The following HELZ variants were observed in gnomAD, a reference collection of about 807,000 sequenced individuals.
HELZ encodes the protein ATP-dependent RNA helicase with zinc finger domain.
In HELZ, 23 loss-of-function variants were observed where a neutral mutation model predicts 218.2. The ratio of observed to expected loss-of-function variants is 0.11; its 90% CI spans 0.08 to 0.15. The LOEUF is 0.15. Among genes scored for constraint, HELZ ranks in the 10% least tolerant of loss-of-function variants. The pLI is 1.00. For missense variants in HELZ, 1,813 were observed against 2,353.7 expected (o/e 0.77, Z 4.75); for synonymous variants, 814 against 829.4 (o/e 0.98, Z 0.32).
At chr17:67,189,792 G>A in intron 10 of HELZ, 96 bp from the exon 11 acceptor site, 1 of 809,052 alleles carries the variant, frequency 1.2e-6, no homozygotes, top group Non-Finnish European at 2.1e-6. Context: ...TTAAGATGAT[G>A]ATGGAACTGT....
At chr17:67,139,146 T>C (rs2038242626) in intron 21 of HELZ, among the ~76,000 whole-genome samples, 1 of 152,114 alleles carries the variant, frequency 6.6e-6, no homozygotes, top group South Asian at 2.1e-4. Context: ...TTTCATCCTT[T>C]GAAAAACTTG....
chr17:67,103,988 T>A (rs935015824), intron 31 of HELZ, among the ~76,000 whole-genome samples: 2 of 152,106 alleles, frequency 1.3e-5, no homozygotes, highest in South Asian at 4.1e-4. Context: ...GACTATTCAA[T>A]GGGGGAAAGG....
chr17:67,224,605 A>G, intron 3 of HELZ: 1 of 493,598 alleles, frequency 2.0e-6, no homozygotes, highest in Non-Finnish European at 3.7e-6. Flanking sequence ...ATTACTAATA[A>G]CAGTAAGTGT....
intron 5 of HELZ, 27 bp downstream of exon 5, chr17:67,215,869 CAAT>C (rs1182789831): frequency 7.0e-7 from 1 of 1,429,184 alleles, no homozygotes; most frequent in East Asian, 2.3e-5. Flanking sequence ...TTGTTCAATT[CAAT>C]AATTCGAGTC....
At chr17:67,124,638 A>ACTTCCAGAAATTACAAATTACAAAAATGT (rs2037725171) in intron 24 of HELZ, among the ~76,000 whole-genome samples, 5 of 152,204 alleles carry the variant, frequency 3.3e-5, no homozygotes, top group Non-Finnish European at 7.4e-5. Flanking sequence ...TACATACGTT[A>ACTTCCAGAAATTACAAATTACAAAAATGT]ACCCAGTAAG....
intron 27 of HELZ, among the ~76,000 whole-genome samples, chr17:67,118,642 G>T (rs771569553): frequency 7.4e-6 from 1 of 135,860 alleles, no homozygotes; most frequent in Non-Finnish European, 1.5e-5. Context: ...CTTGAGCCCA[G>T]GAGTTCAAGG....
chr17:67,087,155 C>A, intron 31 of HELZ, 74 bp from the exon 32 acceptor site: 1 of 1,335,074 alleles, frequency 7.5e-7, no homozygotes, highest in Non-Finnish European at 1.1e-6. Context: ...CACTCCATAG[C>A]AATATCTCAC....
At chr17:67,185,543 T>C (rs1297583974) in intron 12 of HELZ, among the ~76,000 whole-genome samples, 6 of 152,202 alleles carry the variant, frequency 3.9e-5, no homozygotes, top group South Asian at 2.1e-4. Context: ...TAAGTCATTA[T>C]GCTGATGACC....
chr17:67,153,432 A>G (rs1002847871), intron 17 of HELZ, among the ~76,000 whole-genome samples: 18 of 152,210 alleles, frequency 1.2e-4, no homozygotes, highest in African/African-American at 4.1e-4. Context: ...CGTCAGTAAA[A>G]TTACAAAGAT....
At chr17:67,141,522 CTTT>C (rs2038324638) in intron 21 of HELZ, among the ~76,000 whole-genome samples, 1 of 151,774 alleles carries the variant, frequency 6.6e-6, no homozygotes, top group African/African-American at 2.4e-5. Flanking sequence ...CCTGTGTCTT[CTTT>C]ATTGCCTTCT....
chr17:67,202,208 T>C (rs2040186084), intron 6 of HELZ, among the ~76,000 whole-genome samples: 1 of 152,058 alleles, frequency 6.6e-6, no homozygotes, highest in Admixed American at 6.6e-5. Context: ...TATCAACAAA[T>C]TTCTTAAGTT....
intron 13 of HELZ, among the ~76,000 whole-genome samples, chr17:67,173,759 C>T (rs1022314645): frequency 5.3e-5 from 8 of 151,978 alleles, no homozygotes; most frequent in African/African-American, 1.7e-4. Flanking sequence ...ACCCATCTAA[C>T]GATGAAATGT....
intron 31 of HELZ, among the ~76,000 whole-genome samples, chr17:67,102,695 T>C (rs1157430023): frequency 6.6e-6 from 1 of 152,242 alleles, no homozygotes; most frequent in Non-Finnish European, 1.5e-5. Flanking sequence ...AGACTAAAGT[T>C]ACCCTAATAC....
In HELZ at chr17:67,080,138, AT is replaced by A. The variant is rs1188786151; in HGVS notation, c.5495-1553del. Among the ~76,000 whole-genome samples, 9 of 152,296 alleles carry A rather than the reference AT, an allele frequency of 5.9e-5. No homozygotes were observed. In the East Asian group the frequency reaches 1.7e-3, roughly 29 times the overall value. ...AAATTTTATAATCTATCTGCAATTTATTTTATTATGTGGCATAAGGTAAAGA... is the reference window on the plus strand; with the variant it reads ...AAATTTTATAATCTATCTGCAATTTATTTATTATGTGGCATAAGGTAAAGA... On this transcript the variant is annotated intron_variant, in intron 32 of 32. Coordinates refer to ENST00000358691, the MANE Select transcript of HELZ (RefSeq NM_014877.4).
chr17:67,174,087 G>C (rs1358120288), intron 13 of HELZ, among the ~76,000 whole-genome samples: 1 of 151,020 alleles, frequency 6.6e-6, no homozygotes, highest in Non-Finnish European at 1.5e-5. Context: ...CAAAAGAAAA[G>C]CATTTTCTAA....
At chr17:67,182,849 A>G (rs1347490108) in intron 12 of HELZ, among the ~76,000 whole-genome samples, 4 of 152,206 alleles carry the variant, frequency 2.6e-5, no homozygotes, top group African/African-American at 2.4e-5. Flanking sequence ...TAAAGCATCC[A>G]AAGGGTGGGT....
rs1423615134 is a variant in HELZ, at chr17:67,178,898, C to T, written c.1191G>A (p.Gln397=). ...EDLEYLMHAK[Q]QLVTTAKRWD... is the part of the protein sequence containing the mutation. ...AACGTTTAGCTGTGGTTACTAGCTG[C>T]TGTTTTGCATGCATCAGGTATTCGA... is the stretch of plus-strand genomic sequence containing the variant. Residue 397 remains glutamine (Q), a synonymous_variant, in exon 13 of 33, where the codon CAG becomes CAA. Transcript: ENST00000358691. The T allele has an allele frequency of 1.2e-6, 2 of 1,609,984 alleles. No individual in the cohort carries two copies. The highest frequency in any genetic ancestry group is 1.7e-6 in the Non-Finnish European group (2 of 1,176,852).
chr17:67,090,463 A>T (rs2036545020), intron 31 of HELZ, among the ~76,000 whole-genome samples: 1 of 152,144 alleles, frequency 6.6e-6, no homozygotes, highest in African/African-American at 2.4e-5. Context: ...AAGATTGTGT[A>T]AGTTGGTGGT....
intron 13 of HELZ, among the ~76,000 whole-genome samples, chr17:67,174,839 T>C (rs931640542): frequency 6.6e-6 from 1 of 152,002 alleles, no homozygotes; most frequent in East Asian, 1.9e-4. Context: ...GCTTAAACTG[T>C]CAAAGTTCAC....
Sources: allele counts gnomAD v4.1 joint callset (sites outside exome capture counted in the v4.1 genomes callset), GRCh38; gene constraint gnomAD v4.1.1; transcripts MANE v1.5; gene names NCBI Gene and HGNC (gene_info 2026-07-23, HGNC 2026-07-21).